DIAPH3: variants seen among roughly 807,000 people sequenced by gnomAD.
DIAPH3 encodes protein diaphanous homolog 3.
A neutral mutation model predicts 144.3 loss-of-function variants in DIAPH3; 117 were observed. That is an observed-to-expected ratio of 0.81 (90% CI 0.70 to 0.95). The LOEUF (loss-of-function observed/expected upper bound fraction) is 0.95. Ranked by LOEUF, DIAPH3 falls within the 40% of genes least tolerant of loss-of-function variation. The probability of loss-of-function intolerance (pLI) is 0.00; values close to 1 mark genes in which losing one functional copy is unlikely to be tolerated. For synonymous variants in DIAPH3, 519 were observed against 488.9 expected (o/e 1.06, Z -0.81); for missense variants, 1,421 against 1,412.7 (o/e 1.01, Z -0.09).
At chr13:59,930,637 CATAAG>C (rs2047978099) in intron 17 of DIAPH3, among the ~76,000 whole-genome samples, 1 of 152,090 alleles carries the variant, frequency 6.6e-6, no homozygotes, top group Admixed American at 6.6e-5. Flanking sequence ...TACCAGATCA[CATAAG>C]ATATTTTAAG....
chr13:59,969,818 C>T, intron 17 of DIAPH3, 126 bp downstream of exon 17: 14 of 509,244 alleles, frequency 2.7e-5, no homozygotes, highest in South Asian at 1.6e-4. Context: ...ATTTATTTGC[C>T]CATTAGGAAT....
At chr13:59,953,472 C>A (rs560446360) in intron 17 of DIAPH3, among the ~76,000 whole-genome samples, 1 of 152,220 alleles carries the variant, frequency 6.6e-6, no homozygotes, top group South Asian at 2.1e-4. Flanking sequence ...TCTCCAATGC[C>A]TGGTGAAAGA....
At chr13:59,899,250 A>G (rs2046301993) in intron 20 of DIAPH3, among the ~76,000 whole-genome samples, 1 of 152,194 alleles carries the variant, frequency 6.6e-6, no homozygotes, top group Non-Finnish European at 1.5e-5. Context: ...CCTGTGAGTC[A>G]AAACTGCTTA....
chr13:60,161,500 TG>T (rs1023291475), intron 1 of DIAPH3, among the ~76,000 whole-genome samples: 5 of 152,208 alleles, frequency 3.3e-5, no homozygotes, highest in Admixed American at 3.3e-4. Flanking sequence ...GAGCTGTGCC[TG>T]GAACTTCTGC....
In DIAPH3 at chr13:59,806,653, T is replaced by C. The variant is rs538897145; in HGVS notation, c.3163+4135A>G. Among the ~76,000 whole-genome samples the C allele has an allele frequency of 2.0e-3, 307 of 152,034 alleles. 1 individual carries two copies. The highest frequency in any genetic ancestry group is 1.7e-3 in the Non-Finnish European group (112 of 67,810). ...ATATTTGGTTATTTGAAGCACTCAT[T>C]AGAATTTTAAACTTCATTACAGCAG... On this transcript the variant is annotated intron_variant, in intron 25 of 27. Coordinates refer to ENST00000400324, the MANE Select transcript of DIAPH3 (RefSeq NM_001042517.2).
At chr13:59,954,478 C>A (rs2049275178) in intron 17 of DIAPH3, among the ~76,000 whole-genome samples, 1 of 152,122 alleles carries the variant, frequency 6.6e-6, no homozygotes, top group Non-Finnish European at 1.5e-5. Context: ...AACACATTCA[C>A]AAAACAACCG....
intron 3 of DIAPH3, among the ~76,000 whole-genome samples, chr13:60,099,674 G>A (rs1245243193): frequency 2.6e-5 from 4 of 152,100 alleles, no homozygotes; most frequent in Non-Finnish European, 5.9e-5. Flanking sequence ...GGCTTGCCAG[G>A]GGAAACCGAG....
intron 22 of DIAPH3, among the ~76,000 whole-genome samples, chr13:59,853,909 G>A (rs1428323781): frequency 2.6e-5 from 4 of 152,088 alleles, no homozygotes; most frequent in African/African-American, 9.7e-5. Flanking sequence ...CTATCTCCAT[G>A]CAGTTATAGG....
intron 17 of DIAPH3, among the ~76,000 whole-genome samples, chr13:59,932,915 G>A (rs1004848188): frequency 1.1e-4 from 17 of 152,050 alleles, no homozygotes; most frequent in African/African-American, 4.1e-4. Context: ...AGATTGATTT[G>A]GAAAAATCTT....
At chr13:59,813,717 G>C (rs1177495241) in intron 24 of DIAPH3, among the ~76,000 whole-genome samples, 3 of 151,962 alleles carry the variant, frequency 2.0e-5, no homozygotes, top group Non-Finnish European at 4.4e-5. Flanking sequence ...AGCTGGGTGT[G>C]GTGGCACACA....
At chr13:59,982,786 T>C (rs1442690738) in intron 13 of DIAPH3, among the ~76,000 whole-genome samples, 1 of 151,672 alleles carries the variant, frequency 6.6e-6, no homozygotes, top group Non-Finnish European at 1.5e-5. Context: ...GAATTTGTAA[T>C]ATCAGGCACT....
Position 59,974,473 on chromosome 13 carries a change from A to G in DIAPH3, c.1546-17T>C. 1 of 1,583,288 alleles carries G rather than the reference A, an allele frequency of 6.3e-7. No homozygotes were observed. The highest frequency in any genetic ancestry group is 1.3e-5 in the African/African-American group (1 of 74,370). ...TTTTTCAAACTGAAACAAATTAAAA[A>G]TAATAACAAAAACAGGAAGATGAAA... is the stretch of plus-strand genomic sequence containing the variant. On this transcript the variant is annotated splice_polypyrimidine_tract_variant and intron_variant, in intron 14 of 27. Coordinates refer to ENST00000400324, the MANE Select transcript of DIAPH3 (RefSeq NM_001042517.2).
chr13:60,129,086 G>A (rs905142414), intron 2 of DIAPH3, among the ~76,000 whole-genome samples: 1 of 152,054 alleles, frequency 6.6e-6, no homozygotes, highest in Admixed American at 6.6e-5. Context: ...TGGTTATGAA[G>A]GACAGGAGAG....
chr13:59,921,261 G>T (rs1311010751), intron 18 of DIAPH3, among the ~76,000 whole-genome samples: 1 of 133,580 alleles, frequency 7.5e-6, no homozygotes, highest in Non-Finnish European at 1.6e-5. Context: ...ATGAAATGGA[G>T]ACCAGAAAAT....
intron 24 of DIAPH3, among the ~76,000 whole-genome samples, chr13:59,821,105 C>G (rs2041046819): frequency 6.6e-6 from 1 of 151,996 alleles, no homozygotes. Flanking sequence ...ATCTCTTTAA[C>G]ACAGGTTTCA....
chr13:59,732,672 G>A (rs1441530753), intron 27 of DIAPH3, among the ~76,000 whole-genome samples: 1 of 151,938 alleles, frequency 6.6e-6, no homozygotes, highest in Non-Finnish European at 1.5e-5. Context: ...CAAACTGCTA[G>A]ACTCAAGCAA....
chr13:59,929,615 T>C (rs2047923155), intron 17 of DIAPH3, among the ~76,000 whole-genome samples: 1 of 140,140 alleles, frequency 7.1e-6, no homozygotes, highest in Non-Finnish European at 1.5e-5. Flanking sequence ...CAGGCCAGAG[T>C]GCAGCGGTGT....
chr13:59,798,038 A>G (rs902621639), intron 25 of DIAPH3, among the ~76,000 whole-genome samples: 6 of 152,178 alleles, frequency 3.9e-5, no homozygotes, highest in Admixed American at 6.5e-5. Flanking sequence ...TAAAGCTGGT[A>G]GGAGCAGCAT....
rs753182824 is a variant in DIAPH3, at chr13:59,974,406, T to A, written c.1596A>T (p.Lys532Asn). The change falls in exon 15 of 28, where the codon AAA becomes AAT. Residue 532 changes from lysine to asparagine, a missense_variant. Lys to Asn is a moderately conservative substitution (Grantham distance 94). Transcript: ENST00000400324. ...GAAGCTCATTAATCTTTGCCTCTTT[T>A]TTCTGCAATTCAGCCTGAGTTTCTT... Reference protein sequence around the residue: ...DHQETQAELQKKEAKINELQA... With the variant: ...DHQETQAELQNKEAKINELQA... 2.5e-6 allele frequency: 4 copies of A among 1,612,704 alleles called. No homozygotes were observed. In the South Asian group the frequency reaches 3.3e-5, roughly 13 times the overall value.
Sources: gnomAD v4.1 joint callset for allele counts (sites outside exome capture counted in the v4.1 genomes callset) on GRCh38, gnomAD v4.1.1 for gene constraint, MANE v1.5 for transcripts, NCBI Gene and HGNC (gene_info 2026-07-23, HGNC 2026-07-21) for gene names.